FGF14: variants seen among roughly 807,000 people sequenced by gnomAD.
The protein encoded by FGF14 is fibroblast growth factor homologous factor 4.
In FGF14, 5 loss-of-function variants were observed where a neutral mutation model predicts 25.5. The observed-to-expected ratio is 0.20, with a 90% CI of 0.10 to 0.41. FGF14 has a LOEUF of 0.41. FGF14 is among the 10% of genes least tolerant of loss of function. FGF14 has a pLI of 1.00. For missense variants in FGF14, 222 were observed against 320.1 expected (o/e 0.69, Z 2.34); for synonymous variants, 138 against 118.3 (o/e 1.17, Z -1.08).
intron 4 of FGF14, among the ~76,000 whole-genome samples, chr13:101,723,991 G>C (rs1395009084): frequency 1.3e-5 from 2 of 152,046 alleles, no homozygotes; most frequent in Non-Finnish European, 2.9e-5. Context: ...GTAGAATGTG[G>C]CCTTTAGTAT....
chr13:102,100,425 C>T (rs765710359), intron 1 of FGF14, among the ~76,000 whole-genome samples: 15 of 152,164 alleles, frequency 9.9e-5, no homozygotes, highest in Non-Finnish European at 1.8e-4. Flanking sequence ...GGCTGACCTG[C>T]AATAGCAGCA....
At chr13:102,355,727 AGTTT>A (rs2057402261) in intron 1 of FGF14, among the ~76,000 whole-genome samples, 1 of 151,948 alleles carries the variant, frequency 6.6e-6, no homozygotes, top group African/African-American at 2.4e-5. Context: ...TCTCCACCGT[AGTTT>A]GTGTCTTCAT....
intron 1 of FGF14, among the ~76,000 whole-genome samples, chr13:102,319,543 A>C (rs2056165333): frequency 1.3e-5 from 2 of 152,208 alleles, no homozygotes; most frequent in Admixed American, 1.3e-4. Flanking sequence ...GGCCAGTGGG[A>C]GGAAGGCCAC....
intron 1 of FGF14, among the ~76,000 whole-genome samples, chr13:102,090,120 A>T (rs901967843): frequency 2.1e-4 from 32 of 152,252 alleles, no homozygotes; most frequent in African/African-American, 7.7e-4. Flanking sequence ...AAAATGGACC[A>T]ATTTGAAAAT....
rs575244270 is a variant in FGF14 at position 101,865,234 on chromosome 13, G to A, written c.408+3491C>T. ...TACATTCCAAACCTTAGCTTTCTACGGAAGATTTTCTTAGTCTTTCAAAGT... is the reference window on the plus strand; with the variant it reads ...TACATTCCAAACCTTAGCTTTCTACAGAAGATTTTCTTAGTCTTTCAAAGT... On this transcript the variant is annotated intron_variant, in intron 3 of 4. Transcript: ENST00000376143. Among the ~76,000 whole-genome samples, 15 of 152,024 alleles carry A rather than the reference G, an allele frequency of 9.9e-5. No individual in the cohort carries two copies. The South Asian group carries it at 1.7e-3, about 17-fold the overall frequency.
At chr13:102,380,118 T>C (rs1020764573) in intron 1 of FGF14, among the ~76,000 whole-genome samples, 6 of 151,770 alleles carry the variant, frequency 4.0e-5, no homozygotes, top group Non-Finnish European at 8.8e-5. Context: ...AAATGCAAGA[T>C]AACCAAATAT....
intron 1 of FGF14, among the ~76,000 whole-genome samples, chr13:102,149,682 G>T (rs1032621537): frequency 3.9e-5 from 6 of 152,200 alleles, no homozygotes; most frequent in Admixed American, 3.9e-4. Flanking sequence ...GCTGAAGTTG[G>T]GGGGAGTAAT....
intron 1 of FGF14, among the ~76,000 whole-genome samples, chr13:102,249,331 T>C (rs1017290831): frequency 6.6e-6 from 1 of 152,172 alleles, no homozygotes. Context: ...AGAAGGGATA[T>C]TCCTAAAGTG....
At chr13:101,909,261 A>C (rs1024449704) in intron 1 of FGF14, among the ~76,000 whole-genome samples, 1 of 152,242 alleles carries the variant, frequency 6.6e-6, no homozygotes, top group Non-Finnish European at 1.5e-5. Context: ...TAAACTAAAG[A>C]GCTTCTGCAC....
At chr13:102,383,234 A>G (rs1189169419) in intron 1 of FGF14, among the ~76,000 whole-genome samples, 3 of 152,154 alleles carry the variant, frequency 2.0e-5, no homozygotes, top group Non-Finnish European at 2.9e-5. Context: ...AAAATATGTT[A>G]TAAAAATAAT....
At chr13:101,932,448 G>A (rs112636739) in intron 1 of FGF14, among the ~76,000 whole-genome samples, 7 of 144,586 alleles carry the variant, frequency 4.8e-5, no homozygotes, top group East Asian at 2.1e-4. Context: ...CAGGAGAATC[G>A]CTTGAATCTG....
chr13:101,999,258 A>C (rs2039351863), intron 1 of FGF14, among the ~76,000 whole-genome samples: 1 of 152,250 alleles, frequency 6.6e-6, no homozygotes, highest in African/African-American at 2.4e-5. Flanking sequence ...AAATTGATTA[A>C]ATTATGAGTT....
At chr13:101,789,551 T>C (rs2040110847) in intron 3 of FGF14, among the ~76,000 whole-genome samples, 1 of 152,176 alleles carries the variant, frequency 6.6e-6, no homozygotes, top group Non-Finnish European at 1.5e-5. Context: ...AGTTGATTCA[T>C]GTAAGTTTCT....
At chr13:102,151,374 T>A (rs2047077299) in intron 1 of FGF14, among the ~76,000 whole-genome samples, 1 of 152,174 alleles carries the variant, frequency 6.6e-6, no homozygotes, top group South Asian at 2.1e-4. Context: ...TTCTCACCTA[T>A]CCTGGTAGGC....
At chr13:101,972,602 CTCCTT>C (rs1594873041) in intron 1 of FGF14, among the ~76,000 whole-genome samples, 1 of 152,186 alleles carries the variant, frequency 6.6e-6, no homozygotes, top group Non-Finnish European at 1.5e-5. Context: ...AGAGAAGACT[CTCCTT>C]TCACCCTCAT....
At chr13:102,051,584 C>T (rs550643392) in intron 1 of FGF14, among the ~76,000 whole-genome samples, 2 of 152,312 alleles carry the variant, frequency 1.3e-5, no homozygotes, top group South Asian at 4.1e-4. Context: ...AATACCCTAC[C>T]AGTGCTCACT....
chr13:101,869,503 A>T (rs2044926894), intron 2 of FGF14, among the ~76,000 whole-genome samples: 1 of 151,852 alleles, frequency 6.6e-6, no homozygotes, highest in Admixed American at 6.6e-5. Flanking sequence ...TTATAACATT[A>T]AAAAAACTTA....
chr13:102,178,301 C>A (rs1312205023), intron 1 of FGF14, among the ~76,000 whole-genome samples: 1 of 152,076 alleles, frequency 6.6e-6, no homozygotes, highest in East Asian at 1.9e-4. Flanking sequence ...ACCCCAATGG[C>A]TACTAAAAAC....
chr13:101,755,702 A>G (rs988001160), intron 3 of FGF14, among the ~76,000 whole-genome samples: 3 of 152,180 alleles, frequency 2.0e-5, no homozygotes, highest in Non-Finnish European at 4.4e-5. Flanking sequence ...CATATTTGTC[A>G]TCTGATTAGT....
Sources: gnomAD v4.1 joint callset for allele counts (sites outside exome capture counted in the v4.1 genomes callset) on GRCh38, gnomAD v4.1.1 for gene constraint, MANE v1.5 for transcripts, NCBI Gene and HGNC (gene_info 2026-07-23, HGNC 2026-07-21) for gene names.